The following METAP2 variants were observed in gnomAD, a reference collection of about 807,000 sequenced individuals.
METAP2 encodes methionyl aminopeptidase 2, also known as methionine aminopeptidase 2.
A neutral mutation model predicts 59.4 loss-of-function variants in METAP2; 25 were observed. The observed-to-expected ratio is 0.42, with a 90% CI of 0.31 to 0.59. The LOEUF (loss-of-function observed/expected upper bound fraction) is 0.59, where lower values mean the gene tolerates loss of function less well. Ranked by LOEUF, METAP2 falls within the 20% of genes least tolerant of loss-of-function variation. The probability of loss-of-function intolerance (pLI) is 0.16; values close to 1 mark genes in which losing one functional copy is unlikely to be tolerated. For synonymous variants in METAP2, 214 were observed against 194.1 expected, an observed-to-expected ratio of 1.10 and a Z score of -0.85; for missense variants, 366 against 581.2, an observed-to-expected ratio of 0.63 and a Z score of 3.81.
At chr12:95,476,225 A>G in intron 2 of METAP2, 47 bp downstream of exon 2, 1 of 1,332,580 alleles carries the variant, frequency 7.5e-7, no homozygotes, top group African/African-American at 1.4e-5. Context: ...TAGAAAATGT[A>G]GCCGGGTGTG....
chr12:95,475,558 C>T (rs1404648512), intron 1 of METAP2, among the ~76,000 whole-genome samples: 10 of 152,314 alleles, frequency 6.6e-5, no homozygotes, highest in African/African-American at 2.4e-4. Flanking sequence ...AGGTTATAAT[C>T]ACTTCCAGAG....
intron 7 of METAP2, among the ~76,000 whole-genome samples, chr12:95,498,583 G>A (rs2076292652): frequency 6.6e-6 from 1 of 152,064 alleles, no homozygotes; most frequent in South Asian, 2.1e-4. Flanking sequence ...TTAGGTCTTT[G>A]ATCCATTTTG....
At chr12:95,489,482 C>G (rs192328969) in intron 4 of METAP2, among the ~76,000 whole-genome samples, 64 of 152,254 alleles carry the variant, frequency 4.2e-4, no homozygotes, top group African/African-American at 1.5e-3. Context: ...TTTAATAAAT[C>G]TCAATACTTT....
At chr12:95,503,228 T>G (rs1409214600) in intron 7 of METAP2, among the ~76,000 whole-genome samples, 2 of 152,216 alleles carry the variant, frequency 1.3e-5, no homozygotes, top group African/African-American at 4.8e-5. Context: ...TGTGTTGGTT[T>G]TTTTGTTTTT....
intron 7 of METAP2, among the ~76,000 whole-genome samples, chr12:95,502,852 G>T (rs987964136): frequency 6.6e-6 from 1 of 150,720 alleles, no homozygotes; most frequent in South Asian, 2.1e-4. Flanking sequence ...TTCTCCTTGT[G>T]AATTTTTCAT....
chr12:95,511,474 C>T (rs1380922133), intron 8 of METAP2, among the ~76,000 whole-genome samples: 2 of 145,912 alleles, frequency 1.4e-5, no homozygotes, highest in Non-Finnish European at 3.0e-5. Flanking sequence ...TCACGGCAAC[C>T]TCCGCTTCCC....
chr12:95,474,242 C>A lies in METAP2; in HGVS notation c.63C>A (p.Asp21Glu), dbSNP rs762501674. ...ACCTGAATGGCGACCTGGATCCAGA[C>A]GACAGGGAAGAAGGAGCTGCCTCTA... ...GSHLNGDLDP[D>E]DREEGAASTA... Residue 21 changes from aspartate (D) to glutamate (E), a missense_variant, in exon 1 of 11, where the codon GAC (aspartate) becomes GAA (glutamate). Physicochemically the swap from Asp to Glu is conservative, Grantham distance 45. This residue lies in a region of METAP2 where 177 missense variants were observed against 180.3 expected (regional missense o/e 0.98). Coordinates refer to ENST00000323666, the MANE Select transcript of METAP2 (RefSeq NM_006838.4). The A allele has an allele frequency of 6.2e-7, 1 of 1,614,072 alleles. No individual in the cohort carries two copies. Among genetic ancestry groups the A allele is most frequent in the Non-Finnish European group, 8.5e-7 (1 of 1,179,990 alleles).
At chr12:95,474,426 C>T in intron 1 of METAP2, 96 bp downstream of exon 1, 1 of 1,323,704 alleles carries the variant, frequency 7.6e-7, no homozygotes. Context: ...GCCCCAGAGC[C>T]CCGACTAGAC....
chr12:95,487,035 G>A (rs77761782), intron 4 of METAP2, among the ~76,000 whole-genome samples: 4,243 of 152,296 alleles, frequency 0.028, 200 homozygotes, highest in Admixed American at 0.12. Flanking sequence ...TATCACATCT[G>A]TGCTTTTATT....
chr12:95,512,541 G>A (rs2076410899), intron 9 of METAP2, among the ~76,000 whole-genome samples: 2 of 152,046 alleles, frequency 1.3e-5, no homozygotes, highest in South Asian at 4.1e-4. Flanking sequence ...GTGGAACCTT[G>A]TATCTACTAA....
intron 8 of METAP2, among the ~76,000 whole-genome samples, chr12:95,506,899 C>T (rs187664299): frequency 6.5e-4 from 99 of 152,062 alleles, no homozygotes; most frequent in African/African-American, 2.2e-3. Flanking sequence ...ACTATAAGCT[C>T]AGCCTCCCGA....
At chr12:95,496,950 G>T (rs12370740) in intron 7 of METAP2, among the ~76,000 whole-genome samples, 6,863 of 147,792 alleles carry the variant, frequency 0.046, 216 homozygotes, top group Non-Finnish European at 0.067. Flanking sequence ...TCAGCCTCCC[G>T]AGTTGCTGGG....
chr12:95,503,448 G>A (rs1325391160), intron 7 of METAP2, among the ~76,000 whole-genome samples: 1 of 152,150 alleles, frequency 6.6e-6, no homozygotes, highest in Non-Finnish European at 1.5e-5. Context: ...GTGAGGGAGT[G>A]GAGGGGAAAG....
At chr12:95,486,225 A>G (rs2140143683) in intron 4 of METAP2, among the ~76,000 whole-genome samples, 1 of 152,290 alleles carries the variant, frequency 6.6e-6, no homozygotes, top group South Asian at 2.1e-4. Context: ...ATAAAGGTTA[A>G]CTTAAACAAA....
chr12:95,494,926 TAAAC>T (rs1246879554), intron 5 of METAP2, 27 bp from the exon 6 acceptor site: 1 of 1,579,244 alleles, frequency 6.3e-7, no homozygotes, highest in African/African-American at 1.4e-5. Flanking sequence ...AATGTAAAAG[TAAAC>T]AAGTTCCCTT....
At chr12:95,512,180 G>C (rs1473918127) in intron 9 of METAP2, among the ~76,000 whole-genome samples, 182 bp downstream of exon 9, 1 of 152,180 alleles carries the variant, frequency 6.6e-6, no homozygotes, top group Non-Finnish European at 1.5e-5. Context: ...TAAATCAGTT[G>C]TGGAAATTGG....
At chr12:95,488,203 A>G (rs2076211563) in intron 4 of METAP2, among the ~76,000 whole-genome samples, 1 of 151,964 alleles carries the variant, frequency 6.6e-6, no homozygotes, top group Non-Finnish European at 1.5e-5. Flanking sequence ...TCCATGTTTA[A>G]TACTTCTGAG....
intron 6 of METAP2, 143 bp downstream of exon 6, chr12:95,495,281 T>C: frequency 1.5e-6 from 1 of 655,518 alleles, no homozygotes; most frequent in Non-Finnish European, 2.5e-6. Context: ...TGAGGCAGAT[T>C]TTTAAAAAAA....
At chr12:95,484,666 G>C (rs943976809) in intron 3 of METAP2, 1 of 301,782 alleles carries the variant, frequency 3.3e-6, no homozygotes, top group African/African-American at 2.3e-5. Context: ...TTCCTCTGAG[G>C]ATGTTGTTGA....
Sources: gnomAD v4.1 joint callset for allele counts (sites outside exome capture counted in the v4.1 genomes callset) on GRCh38, gnomAD v4.1.1 for gene constraint, gnomAD v4.1.1 regional missense constraint, MANE v1.5 for transcripts, NCBI Gene and HGNC (gene_info 2026-07-23, HGNC 2026-07-21) for gene names.